HTT: variants seen among roughly 807,000 people sequenced by gnomAD.
HTT encodes the protein huntington disease protein.
Under a neutral mutation model 362.3 loss-of-function variants are expected in HTT, and 104 were observed. That is an observed-to-expected ratio of 0.29 (90% CI 0.24 to 0.34). HTT has a LOEUF of 0.34. Among genes scored for constraint, HTT ranks in the 10% least tolerant of loss-of-function variants. The probability of loss-of-function intolerance (pLI) is 1.00; values close to 1 mark genes in which losing one functional copy is unlikely to be tolerated. For missense variants in HTT, 3,301 were observed against 3,928.6 expected (o/e 0.84, Z 4.27); for synonymous variants, 1,577 against 1,548.7 (o/e 1.02, Z -0.43).
chr4:3,134,604 G>A, intron 19 of HTT, 64 bp downstream of exon 19: 1 of 1,417,800 alleles, frequency 7.1e-7, no homozygotes, highest in South Asian at 1.3e-5. Flanking sequence ...GGGATCACTT[G>A]ATGCAAGGAA....
In HTT at chr4:3,220,172, A is replaced by T; in HGVS notation, c.7243-10A>T. On this transcript the variant is annotated splice_polypyrimidine_tract_variant and intron_variant, in intron 52 of 66. Coordinates refer to ENST00000355072, the MANE Select transcript of HTT (RefSeq NM_001388492.1). ...ACTCGGATGATGTCACTTCCTTTTCATCTTCTCAGGTGTGGAAGCTTGGAT... is the reference window on the plus strand; with the variant it reads ...ACTCGGATGATGTCACTTCCTTTTCTTCTTCTCAGGTGTGGAAGCTTGGAT... 6.2e-7 allele frequency: 1 copy of T among 1,613,978 alleles called. No homozygotes were observed. The highest frequency in any genetic ancestry group is 8.5e-7 in the Non-Finnish European group (1 of 1,179,924).
intron 1 of HTT, among the ~76,000 whole-genome samples, chr4:3,075,921 G>GTTGA (rs962542326): frequency 6.6e-6 from 1 of 152,152 alleles, no homozygotes; most frequent in Non-Finnish European, 1.5e-5. Flanking sequence ...ATTAGGAAGA[G>GTTGA]TTGATTGAAG....
At chr4:3,230,352 G>A (rs1243916868) in intron 60 of HTT, among the ~76,000 whole-genome samples, 3 of 152,158 alleles carry the variant, frequency 2.0e-5, no homozygotes, top group Admixed American at 2.0e-4. Context: ...TGGTGGCGCT[G>A]AGGCATCGTA....
intron 22 of HTT, among the ~76,000 whole-genome samples, 200 bp downstream of exon 22, chr4:3,140,856 T>A (rs180882531): frequency 6.6e-6 from 1 of 152,364 alleles, no homozygotes; most frequent in African/African-American, 2.4e-5. Flanking sequence ...TCTGCCACAA[T>A]CACTCAGCTG....
intron 52 of HTT, among the ~76,000 whole-genome samples, chr4:3,219,400 C>T (rs545903690): frequency 6.6e-6 from 1 of 152,258 alleles, no homozygotes; most frequent in East Asian, 1.9e-4. Flanking sequence ...TCTTCACTGG[C>T]ATTGAGGAGT....
rs956338850 is a variant in HTT, at chr4:3,149,475, T to G, written c.3498+1268T>G. On this transcript the variant is annotated intron_variant, in intron 26 of 66. Transcript: ENST00000355072. ...CATGCACCACCACACCCAGCTAATT[T>G]TTTTGTAGTTTTAGTAGAGACGGGG... 2.6e-5 allele frequency among the ~76,000 whole-genome samples: 4 copies of G among 152,050 alleles called. No individual in the cohort carries two copies. In the East Asian group the frequency reaches 7.7e-4, roughly 29 times the overall value.
chr4:3,214,633 A>G (rs1265292745), intron 50 of HTT, among the ~76,000 whole-genome samples: 1 of 152,252 alleles, frequency 6.6e-6, no homozygotes, highest in African/African-American at 2.4e-5. Flanking sequence ...ATTGGACGTC[A>G]TAGTTTACAT....
intron 40 of HTT, among the ~76,000 whole-genome samples, chr4:3,194,206 T>C (rs891208243): frequency 6.6e-6 from 1 of 152,234 alleles, no homozygotes; most frequent in Non-Finnish European, 1.5e-5. Context: ...TGGGTACTTC[T>C]TAAATAATAC....
intron 51 of HTT, among the ~76,000 whole-genome samples, chr4:3,216,074 A>G (rs1009505977): frequency 3.3e-5 from 5 of 152,176 alleles, no homozygotes; most frequent in African/African-American, 1.2e-4. Flanking sequence ...ACGCCTTTTC[A>G]ATCATGAGTG....
chr4:3,133,524 TA>T (rs59648129), intron 18 of HTT, among the ~76,000 whole-genome samples: 21,347 of 125,352 alleles, frequency 0.17, 2,451 homozygotes, highest in African/African-American at 0.37. Context: ...TCAGTTGAAT[TA>T]AAAAAAAAAA....
At chr4:3,104,790 G>C (rs1019779847) in intron 4 of HTT, among the ~76,000 whole-genome samples, 6 of 152,108 alleles carry the variant, frequency 3.9e-5, no homozygotes, top group African/African-American at 1.2e-4. Context: ...TATAGTCTCA[G>C]CTACTTGGGA....
At chr4:3,094,579 C>G (rs1329717737) in intron 2 of HTT, among the ~76,000 whole-genome samples, 1 of 137,880 alleles carries the variant, frequency 7.3e-6, no homozygotes, top group African/African-American at 2.7e-5. Flanking sequence ...GGTGGCCGGG[C>G]GGGGGCTGCC....
rs1190333674 is a variant in HTT, at chr4:3,228,560, C to T, written c.7849-55C>T. The T allele has an allele frequency of 6.0e-6, 9 of 1,508,830 alleles. No homozygotes were observed. In the Admixed American group the frequency reaches 6.8e-5, roughly 11 times the overall value. The allele number at this position is 1,508,830 out of a possible 1,614,324, so 93.5% of individuals were successfully genotyped here. ...GAGTCCCAGTGGCCACACCCACCCA[C>T]CAGGAGCCTGGCACTGTGGCCGCAG... is the stretch of plus-strand genomic sequence containing the variant. On this transcript the variant is annotated intron_variant, in intron 57 of 66. Coordinates refer to ENST00000355072, the MANE Select transcript of HTT (RefSeq NM_001388492.1). The surrounding 1 kb of genome is among the most constrained non-coding windows in gnomAD (Gnocchi z 4.3).
chr4:3,105,866 G>C lies in HTT; in HGVS notation c.608+430G>C, dbSNP rs116343981. Among the ~76,000 whole-genome samples the C allele has an allele frequency of 3.9e-3, 592 of 152,284 alleles. 8 individuals carry two copies. Among genetic ancestry groups the C allele is most frequent in the African/African-American group, 0.013 (557 of 41,554 alleles). The stretch of plus-strand genomic sequence containing the variant: ...GTCTGTTACATGAGTTAAAAATATG[G>C]TTGTTGCACTGTGAATAGTTTGGTT... On this transcript the variant is annotated intron_variant, in intron 5 of 66. Transcript: ENST00000355072.
In HTT at chr4:3,180,543, C is replaced by G. The variant is rs774235259; in HGVS notation, c.4641C>G (p.His1547Gln). 5 of 1,611,484 alleles carry G rather than the reference C, an allele frequency of 3.1e-6. No individual in the cohort carries two copies. The highest frequency in any genetic ancestry group is 4.2e-6 in the Non-Finnish European group (5 of 1,178,938). Residue 1547 changes from histidine to glutamine, a missense_variant, in exon 36 of 67, where the codon CAC becomes CAG. This residue lies in a region of HTT where 2,316 missense variants were observed against 2,658.5 expected (regional missense o/e 0.87). Transcript: ENST00000355072. Reference protein sequence around the residue: ...HAIPALQPIVHDLFVLRGTNK... With the variant: ...HAIPALQPIVQDLFVLRGTNK... ...TACCGGCTCTGCAGCCCATAGTCCA[C>G]GACCTCTTTGTATTAAGAGGAACAA...
At position 3,240,433 on chromosome 4, in the gene HTT, C is replaced by G. The variant is rs362305; in HGVS notation, c.*374C>G. On this transcript the variant is annotated 3_prime_UTR_variant, in exon 67 of 67. Coordinates refer to ENST00000355072, the MANE Select transcript of HTT (RefSeq NM_001388492.1). ...TCCTGCAGGCTGGCTGTTGGCCCCT[C>G]TGCTGTCCTGCAGTAGAAGGTGCCG... The G allele has an allele frequency of 0.14, 43,182 of 307,298 alleles. 4,285 individuals carry two copies. The highest frequency in any genetic ancestry group is 0.34 in the African/African-American group (15,687 of 46,272). The allele number at this position is 307,298 out of a possible 1,614,324, so 19.0% of individuals were successfully genotyped here.
chr4:3,150,015 T>C (rs1451605322), intron 26 of HTT, among the ~76,000 whole-genome samples: 2 of 152,194 alleles, frequency 1.3e-5, no homozygotes, highest in African/African-American at 4.8e-5. Flanking sequence ...TCCTCTTCAG[T>C]TGGCTTTCAG....
chr4:3,119,746 G>A (rs1578513864), intron 8 of HTT, among the ~76,000 whole-genome samples: 1 of 152,212 alleles, frequency 6.6e-6, no homozygotes, highest in Non-Finnish European at 1.5e-5. Flanking sequence ...CAGATGAGGT[G>A]AAGGAAATGT....
In HTT at chr4:3,173,328, G is replaced by C. The variant is rs1006639184; in HGVS notation, c.4166+197G>C. On this transcript the variant is annotated intron_variant, in intron 31 of 66. Transcript: ENST00000355072. ...AGCCCGGCCTTCCAAGAAGTGTGTG[G>C]CCAGTGAGTGAGATGGGCTTGGGAC... is the stretch of plus-strand genomic sequence containing the variant. 14 of 582,362 alleles carry C rather than the reference G, an allele frequency of 2.4e-5. 1 individual carries two copies. The South Asian group carries it at 2.8e-4, about 11-fold the overall frequency. The allele number at this position is 582,362 out of a possible 1,614,324, so 36.1% of individuals were successfully genotyped here.
Sources: gnomAD v4.1 joint callset for allele counts (sites outside exome capture counted in the v4.1 genomes callset) on GRCh38, gnomAD v4.1.1 for gene constraint, gnomAD v4.1.1 regional missense constraint, Gnocchi (gnomAD v3.1) non-coding constraint, MANE v1.5 for transcripts, NCBI Gene and HGNC (gene_info 2026-07-23, HGNC 2026-07-21) for gene names.